Variants in EEF1D observed in about 807,000 individuals in gnomAD.
EEF1D encodes the protein elongation factor 1-delta.
Under a neutral mutation model 63.9 loss-of-function variants are expected in EEF1D, and 47 were observed. That is an observed-to-expected ratio of 0.74 (90% CI 0.58 to 0.94). The LOEUF is 0.94. EEF1D is among the 40% of genes least tolerant of loss of function. The pLI is 0.00. For missense variants in EEF1D, 907 were observed against 899.0 expected, an observed-to-expected ratio of 1.01 and a Z score of -0.11; for synonymous variants, 412 against 386.1, an observed-to-expected ratio of 1.07 and a Z score of -0.79.
intron 5 of EEF1D, among the ~76,000 whole-genome samples, chr8:143,585,429 C>G (rs1426725038): frequency 6.6e-6 from 1 of 152,194 alleles, no homozygotes; most frequent in Non-Finnish European, 1.5e-5. Context: ...GGATGGCGAC[C>G]TTGCTGACAC....
At chr8:143,591,992 C>T in intron 2 of EEF1D, 1 of 976,124 alleles carries the variant, frequency 1.0e-6, no homozygotes, top group Non-Finnish European at 1.2e-6. Flanking sequence ...CTAATGGCAC[C>T]AACGAGGAAC....
Position 143,586,820 on chromosome 8 carries a change from T to C in EEF1D, c.1124A>G (p.Glu375Gly), listed in dbSNP as rs373171399. The C allele has an allele frequency of 1.2e-6, 2 of 1,614,192 alleles. No homozygotes were observed. The highest frequency in any genetic ancestry group is 1.1e-5 in the South Asian group (1 of 91,090). ...RKMATNFLAHEKIWFDKFKYD... is the reference protein window; with the variant it reads ...RKMATNFLAHGKIWFDKFKYD... ...TTTGAACTTGTCGAACCAGATCTTC[T>C]CATGTGCTAGGAAGTTTGTAGCCAT... The change falls in exon 4 of 10, where the codon GAG (glutamate) becomes GGG (glycine). Residue 375 changes from glutamate to glycine, a missense_variant. Transcript: ENST00000618139.
In EEF1D at chr8:143,589,302, G is replaced by A; in HGVS notation, c.780C>T (p.Arg260=). 3.8e-6 allele frequency: 6 copies of A among 1,587,612 alleles called. No homozygotes were observed. Among genetic ancestry groups the A allele is most frequent in the South Asian group, 1.1e-5 (1 of 88,134 alleles). Residue 260 remains arginine (R), a synonymous_variant, in exon 3 of 10, where the codon CGC becomes CGT. Transcript: ENST00000618139. ...CGGCCAGGCCGGCTCGCTCTTGCAG[G>A]CGCACCTTCCCTGGGGGATGGCCGT... is the stretch of plus-strand genomic sequence containing the variant. ...LFDGHPPGKV[R]LQERAGLAEG...
chr8:143,592,247 C>A (rs1828095550), intron 2 of EEF1D: 1 of 985,428 alleles, frequency 1.0e-6, no homozygotes, highest in Admixed American at 6.1e-5. Flanking sequence ...TGCCACTGAG[C>A]TGGCCCCCAG....
At chr8:143,595,146 T>C (rs1385509631) in intron 1 of EEF1D, among the ~76,000 whole-genome samples, 1 of 152,188 alleles carries the variant, frequency 6.6e-6, no homozygotes, top group Non-Finnish European at 1.5e-5. Context: ...CTCAGCTCAC[T>C]GCAACTTCCA....
intron 2 of EEF1D, chr8:143,590,471 T>C: frequency 9.6e-7 from 1 of 1,042,524 alleles, no homozygotes; most frequent in Non-Finnish European, 1.3e-6. Flanking sequence ...ACTGGCTAAC[T>C]AGCTTTCCCT....
chr8:143,588,737 C>T, intron 3 of EEF1D: 1 of 558,498 alleles, frequency 1.8e-6, no homozygotes, highest in Non-Finnish European at 3.1e-6. Flanking sequence ...GAGATTCTGC[C>T]CTGTGCTGAG....
chr8:143,586,722 C>G lies in EEF1D; in HGVS notation c.1215+7G>C. ...AGCCGCCCAGCCGCCCCACGTGCAGCTCTCACCTGGCGGGAGGCACCTGCC... is the reference window on the plus strand; with the variant it reads ...AGCCGCCCAGCCGCCCCACGTGCAGGTCTCACCTGGCGGGAGGCACCTGCC... On this transcript the variant is annotated splice_region_variant and intron_variant, in intron 4 of 9. Coordinates refer to ENST00000618139, the MANE Select transcript of EEF1D (RefSeq NM_001130053.5). 6.2e-7 allele frequency: 1 copy of G among 1,612,584 alleles called. No individual in the cohort carries two copies.
rs1827785825 is a variant in EEF1D, at chr8:143,590,624, G to A, written c.1-543C>T. The A allele has an allele frequency of 3.5e-5, 36 of 1,016,392 alleles. 1 individual carries two copies. Among genetic ancestry groups the A allele is most frequent in the Non-Finnish European group, 4.1e-5 (35 of 850,508 alleles). The allele number at this position is 1,016,392 out of a possible 1,614,324, so 63.0% of individuals were successfully genotyped here. A position where few individuals can be genotyped will look rare whatever the true frequency, so the allele number is the denominator to read the frequency against. On this transcript the variant is annotated intron_variant, in intron 2 of 9. Transcript: ENST00000618139. ...AGTTCTTACAAAAGAAGGAGCCTCG[G>A]CCAGGCACGGTGGCTCACACCTGTA...
intron 1 of EEF1D, chr8:143,594,456 G>A (rs568608345): frequency 1.3e-5 from 2 of 152,620 alleles, no homozygotes; most frequent in South Asian, 4.1e-4. Flanking sequence ...CCTGAGGAAG[G>A]TGAGGACATC....
chr8:143,586,627 A>G, intron 4 of EEF1D, 102 bp downstream of exon 4: 1 of 1,494,394 alleles, frequency 6.7e-7, no homozygotes, highest in South Asian at 1.2e-5. Flanking sequence ...CCACTGGGCC[A>G]GGGTGCCTCT....
chr8:143,586,484 G>C (rs755602465), intron 4 of EEF1D, among the ~76,000 whole-genome samples, 194 bp from the exon 5 acceptor site: 3 of 152,370 alleles, frequency 2.0e-5, no homozygotes, highest in South Asian at 4.1e-4. Context: ...CCATGTCTGC[G>C]GGGGAAGGAG....
intron 5 of EEF1D, chr8:143,583,612 C>G (rs536365102): frequency 6.6e-6 from 1 of 152,430 alleles, no homozygotes; most frequent in South Asian, 2.1e-4. Context: ...AGCACCCCAC[C>G]TGGCAGACAG....
rs781594952 is a variant in EEF1D at position 143,588,979 on chromosome 8, C to T, written c.1091+12G>A. 7 of 1,591,684 alleles carry T rather than the reference C, an allele frequency of 4.4e-6. No homozygotes were observed. The highest frequency in any genetic ancestry group is 4.0e-5 in the African/African-American group (3 of 74,760). The stretch of plus-strand genomic sequence containing the variant: ...GCCCAGGCTGGGTGCCCACCCAGCA[C>T]GTTTCTCCTACTTGGGTCTCAGGCT... On this transcript the variant is annotated intron_variant, in intron 3 of 9. Coordinates refer to ENST00000618139, the MANE Select transcript of EEF1D (RefSeq NM_001130053.5).
rs1166749250 is a variant in EEF1D, at chr8:143,589,588, ACCCAGATCC to A, written c.485_493del (p.Gly162_Trp164del). On this transcript the variant is annotated inframe_deletion, in exon 3 of 10. Transcript: ENST00000618139. ...AGCCTGGTCGAAGGAGGACTTGTTG[ACCCAGATCC>A]CCCAGGTCACGTGGTGGCAGGCCAC... The A allele has an allele frequency of 1.3e-6, 2 of 1,521,274 alleles. No individual in the cohort carries two copies. Among genetic ancestry groups the A allele is most frequent in the Non-Finnish European group, 1.8e-6 (2 of 1,133,792 alleles). The allele number at this position is 1,521,274 out of a possible 1,614,324, so 94.2% of individuals were successfully genotyped here. A position where few individuals can be genotyped will look rare whatever the true frequency, so the allele number is the denominator to read the frequency against.
chr8:143,587,088 C>G (rs1826808864), intron 3 of EEF1D: 1 of 413,528 alleles, frequency 2.4e-6, no homozygotes. Flanking sequence ...AGGCCCTTCC[C>G]TTTCACTCAC....
intron 2 of EEF1D, 99 bp downstream of exon 2, chr8:143,592,548 C>T: frequency 1.0e-6 from 1 of 952,612 alleles, no homozygotes; most frequent in Non-Finnish European, 1.3e-6. Flanking sequence ...CAGACTGGGC[C>T]ATGCGCAGGT....
At chr8:143,595,586 A>T (rs1189066354) in intron 1 of EEF1D, among the ~76,000 whole-genome samples, 1 of 152,212 alleles carries the variant, frequency 6.6e-6, no homozygotes, top group African/African-American at 2.4e-5. Flanking sequence ...TGGATATTCC[A>T]GCCCCACTGG....
rs770199997 is a variant in EEF1D at position 143,589,945 on chromosome 8, C to A, written c.137G>T (p.Gly46Val). ...AASAQQLPAEGPAMNGPGQDD... is the reference protein window; with the variant it reads ...AASAQQLPAEVPAMNGPGQDD... Reference sequence around the variant, plus strand: ...CTGGCCGGGCCCATTCATGGCTGGCCCCTCGGCTGGCAGCTGCTGGGCGGA... The same window carrying A: ...CTGGCCGGGCCCATTCATGGCTGGCACCTCGGCTGGCAGCTGCTGGGCGGA... Residue 46 changes from glycine to valine, a missense_variant, in exon 3 of 10, where the codon GGG (glycine) becomes GTG (valine). By Grantham distance (109) the Gly-to-Val change is moderately radical. Coordinates refer to ENST00000618139, the MANE Select transcript of EEF1D (RefSeq NM_001130053.5). 2.5e-6 allele frequency: 4 copies of A among 1,599,212 alleles called. No individual in the cohort carries two copies. The South Asian group carries it at 3.3e-5, about 13-fold the overall frequency.
Sources: gnomAD v4.1 joint callset for allele counts (sites outside exome capture counted in the v4.1 genomes callset) on GRCh38, gnomAD v4.1.1 for gene constraint, MANE v1.5 for transcripts, NCBI Gene and HGNC (gene_info 2026-07-23, HGNC 2026-07-21) for gene names.